Variants in FGF8 observed in about 807,000 individuals in gnomAD.
FGF8 encodes the protein androgen-induced growth factor.
Under a neutral mutation model 29.7 loss-of-function variants are expected in FGF8, and 12 were observed. The ratio of observed to expected loss-of-function variants is 0.40; its 90% CI spans 0.26 to 0.65. FGF8 has a LOEUF of 0.65. Ranked by LOEUF, FGF8 falls within the 30% of genes least tolerant of loss-of-function variation. The probability of loss-of-function intolerance (pLI) is 0.37; values close to 1 mark genes in which losing one functional copy is unlikely to be tolerated. For missense variants in FGF8, 271 were observed against 345.1 expected (o/e 0.79, Z 1.70); for synonymous variants, 157 against 144.4 (o/e 1.09, Z -0.63).
At chr10:101,773,855 C>G (rs2065054762) in intron 4 of FGF8, among the ~76,000 whole-genome samples, 1 of 152,196 alleles carries the variant, frequency 6.6e-6, no homozygotes, top group African/African-American at 2.4e-5. Flanking sequence ...TCCTTTCAAA[C>G]TCCACATCTG....
Position 101,770,195 on chromosome 10 carries a change from C to T in FGF8, c.*134G>A. On this transcript the variant is annotated 3_prime_UTR_variant, in exon 6 of 6. Coordinates refer to ENST00000320185, the MANE Select transcript of FGF8 (RefSeq NM_033163.5). Reference sequence around the variant, plus strand: ...AAAACCCAACAGCAAACAATATCAACAACCGGAACCCAGGGCTCCCCCAGC... The same window carrying T: ...AAAACCCAACAGCAAACAATATCAATAACCGGAACCCAGGGCTCCCCCAGC... 1 of 599,674 alleles carries T rather than the reference C, an allele frequency of 1.7e-6. No homozygotes were observed. The highest frequency in any genetic ancestry group is 3.1e-5 in the South Asian group (1 of 32,512). The allele number at this position is 599,674 out of a possible 1,614,324, so 37.1% of individuals were successfully genotyped here. A position where few individuals can be genotyped will look rare whatever the true frequency, so the allele number is the denominator to read the frequency against.
Position 101,770,409 on chromosome 10 carries a change from G to A in FGF8, c.655C>T (p.Arg219Cys), listed in dbSNP as rs138682882. Residue 219 changes from arginine to cysteine, a missense_variant, in exon 6 of 6, where the codon CGC becomes TGC. Physicochemically the swap from Arg to Cys is radical, Grantham distance 180 (BLOSUM62 -3). Coordinates refer to ENST00000320185, the MANE Select transcript of FGF8 (RefSeq NM_033163.5). ...RGHHTTEQSLRFEFLNYPPFT... is the reference protein window; with the variant it reads ...RGHHTTEQSLCFEFLNYPPFT... ...GGCGGGTAGTTGAGGAACTCGAAGCGCAGGCTCTGCTCGGTGGTGTGGTGG... is the reference window on the plus strand; with the variant it reads ...GGCGGGTAGTTGAGGAACTCGAAGCACAGGCTCTGCTCGGTGGTGTGGTGG... The A allele has an allele frequency of 5.2e-5, 84 of 1,607,312 alleles. No individual in the cohort carries two copies. The highest frequency in any genetic ancestry group is 6.3e-5 in the Non-Finnish European group (74 of 1,177,334).
In FGF8 at chr10:101,774,816, G is replaced by A. The variant is rs763690807; in HGVS notation, c.253C>T (p.Leu85Phe). The stretch of plus-strand genomic sequence containing the variant: ...TGCTTCCCGCTGGTGCGGCTGTAGA[G>A]TTGGTAGGTCCGGATGAGGCGGCGG... ...LSRRLIRTYQ[L>F]YSRTSGKHVQ... The change falls in exon 4 of 6, where the codon CTC (leucine) becomes TTC (phenylalanine). Residue 85 changes from leucine (L) to phenylalanine (F), a missense_variant. Around this residue, in one of 3 missense-constraint regions of FGF8, gnomAD observed 168 missense variants for 207.0 expected, o/e 0.81. Coordinates refer to ENST00000320185, the MANE Select transcript of FGF8 (RefSeq NM_033163.5). The A allele has an allele frequency of 6.2e-7, 1 of 1,613,556 alleles. No individual in the cohort carries two copies. Among genetic ancestry groups the A allele is most frequent in the Admixed American group, 1.7e-5 (1 of 60,034 alleles).
Position 101,771,223 on chromosome 10 carries a change from A to G in FGF8, c.444+240T>C, listed in dbSNP as rs2065019945. Among the ~76,000 whole-genome samples the G allele has an allele frequency of 6.6e-6, 1 of 152,004 alleles. No individual in the cohort carries two copies. Among genetic ancestry groups the G allele is most frequent in the African/African-American group, 2.4e-5 (1 of 41,356 alleles). On this transcript the variant is annotated intron_variant, in intron 5 of 5. Coordinates refer to ENST00000320185, the MANE Select transcript of FGF8 (RefSeq NM_033163.5). This position sits in a 1 kb window ranked among gnomAD's most constrained non-coding sequence, Gnocchi z 5.3. ...AAAAGATATATGGAATTTACCAACC[A>G]CCACCCCCCAGCCCCTTCCCTAGCC...
chr10:101,770,629 G>A lies in FGF8; in HGVS notation c.445-10C>T, dbSNP rs1419743595. On this transcript the variant is annotated splice_polypyrimidine_tract_variant and intron_variant, in intron 5 of 5. Coordinates refer to ENST00000320185, the MANE Select transcript of FGF8 (RefSeq NM_033163.5). ...TGCCTTTGCCGTTGCTCTGCAGGTA[G>A]GGGAGCCAGACACCACGTTACAGAG... The A allele has an allele frequency of 1.2e-6, 2 of 1,606,474 alleles. No individual in the cohort carries two copies. Among genetic ancestry groups the A allele is most frequent in the East Asian group, 2.2e-5 (1 of 44,880 alleles).
At position 101,775,675 on chromosome 10, in the gene FGF8, C is replaced by A. The variant is rs1333609107; in HGVS notation, c.69+65G>T. On this transcript the variant is annotated intron_variant, in intron 2 of 5. Coordinates refer to ENST00000320185, the MANE Select transcript of FGF8 (RefSeq NM_033163.5). The surrounding 1 kb of genome is among the most constrained non-coding windows in gnomAD (Gnocchi z 4.6). The stretch of plus-strand genomic sequence containing the variant: ...CAGAGTCAGTCCCGGTGCCCCCGAC[C>A]GGCGCTGCCCACCCGGGTCTCACAC... 28 of 1,520,744 alleles carry A rather than the reference C, an allele frequency of 1.8e-5. No homozygotes were observed. Among genetic ancestry groups the A allele is most frequent in the Admixed American group, 4.0e-5 (2 of 50,322 alleles). The allele number at this position is 1,520,744 out of a possible 1,614,324, so 94.2% of individuals were successfully genotyped here.
upstream of FGF8, among the ~76,000 whole-genome samples, chr10:101,777,559 C>T (rs905023509): frequency 2.6e-5 from 4 of 152,320 alleles, no homozygotes; most frequent in Admixed American, 1.3e-4. Context: ...GATGGGAAAA[C>T]AGTTAGAGGG....
At position 101,775,452 on chromosome 10, in the gene FGF8, G is replaced by T. The variant is rs1330892338; in HGVS notation, c.70-236C>A. On this transcript the variant is annotated intron_variant, in intron 2 of 5. Transcript: ENST00000320185. The surrounding 1 kb of genome is among the most constrained non-coding windows in gnomAD (Gnocchi z 4.6). ...GGCCGCGGCTGCCCCCTTCCTCGGCGGCTGGGTGTTCCCTATGCCCCCAGC... is the reference window on the plus strand; with the variant it reads ...GGCCGCGGCTGCCCCCTTCCTCGGCTGCTGGGTGTTCCCTATGCCCCCAGC... 4 of 603,294 alleles carry T rather than the reference G, an allele frequency of 6.6e-6. No homozygotes were observed. The highest frequency in any genetic ancestry group is 1.2e-5 in the Non-Finnish European group (4 of 339,638). The allele number at this position is 603,294 out of a possible 1,614,324, so 37.4% of individuals were successfully genotyped here.
rs1342049432 is a variant in FGF8 at position 101,771,621 on chromosome 10, G to A, written c.338-52C>T. 2 of 1,440,716 alleles carry A rather than the reference G, an allele frequency of 1.4e-6. No individual in the cohort carries two copies. Among genetic ancestry groups the A allele is most frequent in the Non-Finnish European group, 2.0e-6 (2 of 1,024,496 alleles). 89.2% of individuals were successfully genotyped at this position (1,440,716 alleles called of 1,614,324 possible). A position where few individuals can be genotyped will look rare whatever the true frequency, so the allele number is the denominator to read the frequency against. ...ATTGGCAGATCCCTGACCCCAGCTG[G>A]CCCACACACTTGTCACAGCCCAGCA... On this transcript the variant is annotated intron_variant, in intron 4 of 5. Transcript: ENST00000320185. The surrounding 1 kb of genome is among the most constrained non-coding windows in gnomAD (Gnocchi z 5.3).
upstream of FGF8, among the ~76,000 whole-genome samples, chr10:101,777,517 C>T (rs186210341): frequency 1.7e-4 from 26 of 152,356 alleles, no homozygotes; most frequent in African/African-American, 5.8e-4. Context: ...TTCCAACTCC[C>T]AGCCATAAAT....
upstream of FGF8, among the ~76,000 whole-genome samples, chr10:101,780,063 G>A (rs2135009363): frequency 6.6e-6 from 1 of 152,298 alleles, no homozygotes; most frequent in East Asian, 1.9e-4. Flanking sequence ...CCCGCCAGAG[G>A]GCGCCAGCCC....
rs1214790102 is a variant in FGF8 at position 101,775,758 on chromosome 10, G to A, written c.51C>T (p.Val17=). 1.3e-6 allele frequency: 2 copies of A among 1,545,896 alleles called. No homozygotes were observed. The highest frequency in any genetic ancestry group is 1.7e-6 in the Non-Finnish European group (2 of 1,146,124). Residue 17 remains valine, a synonymous_variant, in exon 2 of 6, where the codon GTC becomes GTT. Transcript: ENST00000320185. The surrounding 1 kb of genome is among the most constrained non-coding windows in gnomAD (Gnocchi z 4.6). ...TCCTCACCTGGGCTTGGAGGCAGAG[G>A]ACCAGCAAGTGCAACAGCCTGTGGG... is the stretch of plus-strand genomic sequence containing the variant. ...ALSCLLLHLL[V]LCLQAQEGPG...
rs200227278 is a variant in FGF8 at position 101,771,433 on chromosome 10, G to T, written c.444+30C>A. 2.1e-4 allele frequency: 334 copies of T among 1,561,704 alleles called. 1 individual carries two copies. The African/African-American group carries it at 3.5e-3, about 17-fold the overall frequency. On this transcript the variant is annotated intron_variant, in intron 5 of 5. Coordinates refer to ENST00000320185, the MANE Select transcript of FGF8 (RefSeq NM_033163.5). This position sits in a 1 kb window ranked among gnomAD's most constrained non-coding sequence, Gnocchi z 5.3. Reference sequence around the variant, plus strand: ...CAGCCCAAGCCACTCCCTAGGTCCCGCGGACCCCACCTGCCTGCTGGGGCC... The same window carrying T: ...CAGCCCAAGCCACTCCCTAGGTCCCTCGGACCCCACCTGCCTGCTGGGGCC...
In FGF8 at chr10:101,775,304, G is replaced by T; in HGVS notation, c.70-88C>A. On this transcript the variant is annotated intron_variant, in intron 2 of 5. Coordinates refer to ENST00000320185, the MANE Select transcript of FGF8 (RefSeq NM_033163.5). The surrounding 1 kb of genome is among the most constrained non-coding windows in gnomAD (Gnocchi z 4.6). Reference sequence around the variant, plus strand: ...GACAAATTTACGGAGCAAATGTTGAGAGTGCAGGGAACCTGGGCACCCGAT... The same window carrying T: ...GACAAATTTACGGAGCAAATGTTGATAGTGCAGGGAACCTGGGCACCCGAT... 1 of 973,898 alleles carries T rather than the reference G, an allele frequency of 1.0e-6. No individual in the cohort carries two copies. The highest frequency in any genetic ancestry group is 1.6e-6 in the Non-Finnish European group (1 of 636,096). The allele number at this position is 973,898 out of a possible 1,614,324, so 60.3% of individuals were successfully genotyped here. A position where few individuals can be genotyped will look rare whatever the true frequency, so the allele number is the denominator to read the frequency against.
At position 101,770,504 on chromosome 10, in the gene FGF8, C is replaced by T. The variant is rs138208879; in HGVS notation, c.560G>A (p.Arg187Gln). ...GWYMAFTRKG[R>Q]PRKGSKTRQH... is the part of the protein sequence containing the mutation. ...CCGCGTCTTGGAGCCCTTGCGGGGC[C>T]GGCCCTTGCGGGTGAAGGCCATGTA... The change falls in exon 6 of 6, where the codon CGG becomes CAG. Residue 187 changes from arginine to glutamine, a missense_variant. Physicochemically the swap from Arg to Gln is conservative, Grantham distance 43. Coordinates refer to ENST00000320185, the MANE Select transcript of FGF8 (RefSeq NM_033163.5). 3.2e-5 allele frequency: 52 copies of T among 1,613,538 alleles called. No homozygotes were observed. Among genetic ancestry groups the T allele is most frequent in the South Asian group, 7.7e-5 (7 of 91,084 alleles).
Position 101,770,639 on chromosome 10 carries a change from ACAC to A in FGF8, c.445-23_445-21del. 1 of 1,604,278 alleles carries A rather than the reference ACAC, an allele frequency of 6.2e-7. No individual in the cohort carries two copies. The stretch of plus-strand genomic sequence containing the variant: ...GTTGCTCTGCAGGTAGGGGAGCCAG[ACAC>A]CACGTTACAGAGCCCCCCCAGCAGA... On this transcript the variant is annotated intron_variant, in intron 5 of 5. Coordinates refer to ENST00000320185, the MANE Select transcript of FGF8 (RefSeq NM_033163.5).
rs1415692858 is a variant in FGF8, at chr10:101,771,568, T to G, written c.339A>C (p.Ala113=). 7 of 1,613,950 alleles carry G rather than the reference T, an allele frequency of 4.3e-6. No homozygotes were observed. In the East Asian group the frequency reaches 1.3e-4, roughly 31 times the overall value. The change falls in exon 5 of 6, where the codon GCA becomes GCC. Residue 113 remains alanine, a splice_region_variant and synonymous_variant. Transcript: ENST00000320185. This position sits in a 1 kb window ranked among gnomAD's most constrained non-coding sequence, Gnocchi z 5.3. ...NAMAEDGDPF[A]KLIVETDTFG... is the part of the protein sequence containing the mutation. The stretch of plus-strand genomic sequence containing the variant: ...AGGTGTCCGTCTCCACGATGAGCTT[T>G]GCTGTCAGAGAAGGTAGCAGGATGG...
Position 101,775,353 on chromosome 10 carries a change from C to A in FGF8, c.70-137G>T. On this transcript the variant is annotated intron_variant, in intron 2 of 5. Transcript: ENST00000320185. This position sits in a 1 kb window ranked among gnomAD's most constrained non-coding sequence, Gnocchi z 4.6. Reference sequence around the variant, plus strand: ...ATCATTGGGCCAAATCGGCCACAAGCCTCCCCCGAGGGGCGCTGAGAGGGT... The same window carrying A: ...ATCATTGGGCCAAATCGGCCACAAGACTCCCCCGAGGGGCGCTGAGAGGGT... 1.5e-6 allele frequency: 1 copy of A among 686,588 alleles called. No homozygotes were observed. The highest frequency in any genetic ancestry group is 2.6e-6 in the Non-Finnish European group (1 of 389,182). The allele number at this position is 686,588 out of a possible 1,614,324, so 42.5% of individuals were successfully genotyped here.
At position 101,771,390 on chromosome 10, in the gene FGF8, G is replaced by T; in HGVS notation, c.444+73C>A. 8.8e-7 allele frequency: 1 copy of T among 1,134,040 alleles called. No homozygotes were observed. Among genetic ancestry groups the T allele is most frequent in the Non-Finnish European group, 1.3e-6 (1 of 744,668 alleles). The allele number at this position is 1,134,040 out of a possible 1,614,324, so 70.2% of individuals were successfully genotyped here. On this transcript the variant is annotated intron_variant, in intron 5 of 5. Coordinates refer to ENST00000320185, the MANE Select transcript of FGF8 (RefSeq NM_033163.5). The surrounding 1 kb of genome is among the most constrained non-coding windows in gnomAD (Gnocchi z 5.3). ...CTTGTTGGGATCAGAGCCCAGGACT[G>T]TCTTGGAGGAGTCCAGCCAGCCCAA...
Sources: gnomAD v4.1 joint callset for allele counts (sites outside exome capture counted in the v4.1 genomes callset) on GRCh38, gnomAD v4.1.1 for gene constraint, gnomAD v4.1.1 regional missense constraint, Gnocchi (gnomAD v3.1) non-coding constraint, MANE v1.5 for transcripts, NCBI Gene and HGNC (gene_info 2026-07-23, HGNC 2026-07-21) for gene names.